Variants in IFT88 observed in about 807,000 individuals in gnomAD.
The protein encoded by IFT88 is intraflagellar transport 88.
In IFT88, 74 loss-of-function variants were observed where a neutral mutation model predicts 119.5. The observed-to-expected ratio is 0.62, with a 90% CI of 0.51 to 0.75. The LOEUF is 0.75. Ranked by LOEUF, IFT88 falls within the 30% of genes least tolerant of loss-of-function variation. The probability of loss-of-function intolerance (pLI) is 0.00; values close to 1 mark genes in which losing one functional copy is unlikely to be tolerated. For synonymous variants in IFT88, 279 were observed against 316.7 expected, an observed-to-expected ratio of 0.88 and a Z score of 1.26; for missense variants, 961 against 977.7, an observed-to-expected ratio of 0.98 and a Z score of 0.23.
At chr13:20,685,951 C>T (rs80216000) in intron 24 of IFT88, among the ~76,000 whole-genome samples, 1,857 of 152,312 alleles carry the variant, frequency 0.012, 36 homozygotes, top group African/African-American at 0.043. Context: ...TAATTTTGTA[C>T]ACACATATTG....
intron 21 of IFT88, 21 bp downstream of exon 21, chr13:20,653,949 C>T (rs182392022): frequency 1.3e-6 from 2 of 1,485,298 alleles, no homozygotes; most frequent in Non-Finnish European, 1.8e-6. Flanking sequence ...TAGTTTTATT[C>T]ATTTTATAGA....
intron 14 of IFT88, among the ~76,000 whole-genome samples, chr13:20,618,167 G>A (rs2045940117): frequency 1.3e-5 from 2 of 152,212 alleles, no homozygotes; most frequent in Admixed American, 1.3e-4. Flanking sequence ...TGATCCGCTC[G>A]CCTTGGCCTC....
chr13:20,630,880 T>G (rs2048104770), intron 15 of IFT88, 136 bp from the exon 16 acceptor site: 1 of 514,602 alleles, frequency 1.9e-6, no homozygotes, highest in South Asian at 3.9e-5. Context: ...GTAATCTGTT[T>G]TCTTGAACAT....
intron 22 of IFT88, among the ~76,000 whole-genome samples, chr13:20,661,581 A>G (rs988389470): frequency 1.3e-5 from 2 of 152,052 alleles, no homozygotes; most frequent in East Asian, 3.9e-4. Context: ...TAAAAATACA[A>G]AAAATTAGCT....
intron 24 of IFT88, among the ~76,000 whole-genome samples, chr13:20,684,187 C>G (rs2057629845): frequency 6.6e-6 from 1 of 152,240 alleles, no homozygotes; most frequent in Non-Finnish European, 1.5e-5. Context: ...ATCCATATCA[C>G]CTTCTCATCT....
chr13:20,578,897 C>A (rs1439610219), intron 2 of IFT88, among the ~76,000 whole-genome samples: 1 of 152,110 alleles, frequency 6.6e-6, no homozygotes, highest in Non-Finnish European at 1.5e-5. Context: ...TTTTTTATCT[C>A]TGATTTTACT....
intron 20 of IFT88, among the ~76,000 whole-genome samples, chr13:20,646,916 G>A (rs2050848008): frequency 6.6e-6 from 1 of 150,386 alleles, no homozygotes; most frequent in African/African-American, 2.5e-5. Context: ...TCAGTTCTTA[G>A]GTTATTCCAG....
chr13:20,568,139 CATAG>C, intron 1 of IFT88: 1 of 578,786 alleles, frequency 1.7e-6, no homozygotes, highest in Non-Finnish European at 3.1e-6. Context: ...GTAGACTGTC[CATAG>C]TCAGTAGAAG....
intron 3 of IFT88, among the ~76,000 whole-genome samples, chr13:20,584,331 G>A (rs968021731): frequency 2.6e-5 from 4 of 151,996 alleles, no homozygotes; most frequent in African/African-American, 9.7e-5. Context: ...GTAGTTTTCA[G>A]TGTATCTAGT....
intron 13 of IFT88, among the ~76,000 whole-genome samples, chr13:20,613,652 A>G (rs1273407017): frequency 7.1e-6 from 1 of 140,948 alleles, no homozygotes; most frequent in African/African-American, 2.5e-5. Context: ...TATTATTCAT[A>G]ATATCGAAAA....
At chr13:20,654,588 G>T (rs1396615627) in intron 21 of IFT88, among the ~76,000 whole-genome samples, 3 of 152,298 alleles carry the variant, frequency 2.0e-5, no homozygotes, top group African/African-American at 7.2e-5. Flanking sequence ...TCTAAGGGAA[G>T]AGGGAAGCAC....
At chr13:20,578,135 C>G (rs2037810879) in intron 2 of IFT88, among the ~76,000 whole-genome samples, 1 of 144,534 alleles carries the variant, frequency 6.9e-6, no homozygotes, top group South Asian at 2.3e-4. Flanking sequence ...AGCTCTGCCT[C>G]CCAGGTTCAC....
Position 20,597,094 on chromosome 13 carries a change from A to G in IFT88, c.569A>G (p.Asn190Ser), listed in dbSNP as rs762310389. ...RQREQVTTPE[N>S]INLDLTYSVL... ...CGAGAACAAGTTACAACTCCAGAAA[A>G]TATCAATTTGGATTTAACTTACTCA... is the stretch of plus-strand genomic sequence containing the variant. The change falls in exon 9 of 26, where the codon AAT becomes AGT. Residue 190 changes from asparagine to serine, a missense_variant. Coordinates refer to ENST00000351808, the MANE Select transcript of IFT88 (RefSeq NM_006531.5). The G allele has an allele frequency of 1.3e-6, 2 of 1,597,434 alleles. No homozygotes were observed. The highest frequency in any genetic ancestry group is 1.7e-6 in the Non-Finnish European group (2 of 1,170,092).
chr13:20,581,587 G>A (rs2038658578), intron 2 of IFT88, among the ~76,000 whole-genome samples: 1 of 152,106 alleles, frequency 6.6e-6, no homozygotes. Context: ...ATTTAGGCTG[G>A]GCACAGCGGC....
At chr13:20,662,257 A>C (rs909142957) in intron 22 of IFT88, among the ~76,000 whole-genome samples, 1 of 152,054 alleles carries the variant, frequency 6.6e-6, no homozygotes, top group Non-Finnish European at 1.5e-5. Flanking sequence ...AGGAAGACTA[A>C]AAAACAGAAA....
At chr13:20,616,780 AG>A (rs2045686854) in intron 14 of IFT88, among the ~76,000 whole-genome samples, 1 of 152,214 alleles carries the variant, frequency 6.6e-6, no homozygotes, top group African/African-American at 2.4e-5. Flanking sequence ...GACACAGTGC[AG>A]GTTTGTTTAC....
intron 22 of IFT88, among the ~76,000 whole-genome samples, chr13:20,661,517 C>T (rs1277086120): frequency 2.0e-5 from 3 of 152,110 alleles, no homozygotes; most frequent in Non-Finnish European, 2.9e-5. Flanking sequence ...GGGCGAATCA[C>T]GAGCCAGGAG....
intron 11 of IFT88, among the ~76,000 whole-genome samples, chr13:20,601,040 G>A (rs2042508180): frequency 6.6e-6 from 1 of 152,186 alleles, no homozygotes; most frequent in Admixed American, 6.5e-5. Flanking sequence ...CTCCATTTAT[G>A]TACAATGCCT....
chr13:20,567,652 C>A (rs1185762332), intron 1 of IFT88: 1 of 867,600 alleles, frequency 1.2e-6, no homozygotes, highest in Non-Finnish European at 1.4e-6. Flanking sequence ...GCACATCGCT[C>A]TTTAATTTTC....
Sources: gnomAD v4.1 joint callset for allele counts (sites outside exome capture counted in the v4.1 genomes callset) on GRCh38, gnomAD v4.1.1 for gene constraint, MANE v1.5 for transcripts, NCBI Gene and HGNC (gene_info 2026-07-23, HGNC 2026-07-21) for gene names.